Variants in FAT3 observed in about 807,000 individuals in gnomAD.
FAT3 encodes FAT atypical cadherin 3, also known as protocadherin Fat 3.
FAT3 carries 95 observed loss-of-function variants against 310.2 expected under a neutral mutation model. The observed-to-expected ratio is 0.31, with a 90% confidence interval of 0.26 to 0.36. The LOEUF (loss-of-function observed/expected upper bound fraction) is 0.36, where lower values mean the gene tolerates loss of function less well. FAT3 is among the 10% of genes least tolerant of loss of function. The probability of loss-of-function intolerance (pLI) is 1.00; values close to 1 mark genes in which losing one functional copy is unlikely to be tolerated. For synonymous variants in FAT3, 2,314 were observed against 2,192.9 expected, an observed-to-expected ratio of 1.06 and a Z score of -1.54; for missense variants, 5,408 against 5,715.6, an observed-to-expected ratio of 0.95 and a Z score of 1.74.
Position 92,697,338 on chromosome 11 carries a change from G to A in FAT3, c.3608-46G>A, listed in dbSNP as rs1487581092. The A allele has an allele frequency of 3.8e-6, 6 of 1,582,178 alleles. No homozygotes were observed. In the South Asian group the frequency reaches 6.7e-5, roughly 18 times the overall value. On this transcript the variant is annotated intron_variant, in intron 3 of 27. Coordinates refer to ENST00000525166, the MANE Select transcript of FAT3 (RefSeq NM_001367949.2). ...CTTGTTTCCCCACACTCAGTAAGCTGTTTGCCCCAGATATTTAAAAGTCAA... is the reference window on the plus strand; with the variant it reads ...CTTGTTTCCCCACACTCAGTAAGCTATTTGCCCCAGATATTTAAAAGTCAA...
chr11:92,480,994 C>T (rs567002636), intron 2 of FAT3, among the ~76,000 whole-genome samples: 1 of 152,246 alleles, frequency 6.6e-6, no homozygotes, highest in African/African-American at 2.4e-5. Context: ...GAAAAGGTAT[C>T]GTTGCAAACT....
intron 2 of FAT3, among the ~76,000 whole-genome samples, chr11:92,433,272 A>T (rs1003189799): frequency 6.6e-6 from 1 of 151,786 alleles, no homozygotes; most frequent in African/African-American, 2.4e-5. Context: ...TCCAGGCACC[A>T]CTGGGGTATG....
intron 1 of FAT3, among the ~76,000 whole-genome samples, chr11:92,236,293 T>A (rs1187172): frequency 0.56 from 84,545 of 151,952 alleles, 24,049 homozygotes; most frequent in East Asian, 0.8. Context: ...TACATAATAA[T>A]GCTTGTCTAT....
At chr11:92,649,421 T>C (rs2135752791) in intron 3 of FAT3, among the ~76,000 whole-genome samples, 1 of 152,302 alleles carries the variant, frequency 6.6e-6, no homozygotes, top group South Asian at 2.1e-4. Context: ...GGGAAAAAGC[T>C]ATTGCCAAGG....
intron 4 of FAT3, among the ~76,000 whole-genome samples, chr11:92,729,188 A>C (rs949127450): frequency 1.3e-5 from 2 of 152,154 alleles, no homozygotes; most frequent in Admixed American, 1.3e-4. Flanking sequence ...ATCCTGGTAG[A>C]GGACAAGGTG....
At chr11:92,428,069 T>C (rs1950675579) in intron 2 of FAT3, among the ~76,000 whole-genome samples, 1 of 152,156 alleles carries the variant, frequency 6.6e-6, no homozygotes, top group Non-Finnish European at 1.5e-5. Context: ...ATTTGTCTGT[T>C]CAGGGATTTG....
At chr11:92,332,021 C>T (rs915638972) in intron 1 of FAT3, among the ~76,000 whole-genome samples, 2 of 152,222 alleles carry the variant, frequency 1.3e-5, no homozygotes, top group African/African-American at 4.8e-5. Flanking sequence ...CAAGAGCCAT[C>T]ATTTTCCTGA....
chr11:92,369,634 G>A (rs1456440272), intron 2 of FAT3, among the ~76,000 whole-genome samples: 1 of 152,124 alleles, frequency 6.6e-6, no homozygotes, highest in Non-Finnish European at 1.5e-5. Flanking sequence ...CAGATCATGA[G>A]GTCAAGAGAT....
intron 6 of FAT3, among the ~76,000 whole-genome samples, chr11:92,767,202 T>C (rs545914535): frequency 8.2e-4 from 123 of 150,822 alleles, no homozygotes; most frequent in Non-Finnish European, 1.5e-3. Context: ...TGAGCCAAGA[T>C]TGCATCACTG....
chr11:92,267,883 T>G (rs1440312151), intron 1 of FAT3, among the ~76,000 whole-genome samples: 4 of 152,088 alleles, frequency 2.6e-5, no homozygotes, highest in Non-Finnish European at 5.9e-5. Flanking sequence ...GTATTAACAC[T>G]TATTTATTAG....
chr11:92,375,615 T>C (rs948159045), intron 2 of FAT3, among the ~76,000 whole-genome samples: 2 of 152,224 alleles, frequency 1.3e-5, no homozygotes. Flanking sequence ...TGTTCAAGGC[T>C]GTCTTGATAA....
chr11:92,507,609 G>A (rs961239154), intron 2 of FAT3, among the ~76,000 whole-genome samples: 1 of 151,316 alleles, frequency 6.6e-6, no homozygotes, highest in South Asian at 2.1e-4. Flanking sequence ...ATATATGTGT[G>A]TATATACGTA....
At chr11:92,848,954 G>T (rs1009086211) in intron 19 of FAT3, among the ~76,000 whole-genome samples, 1 of 152,228 alleles carries the variant, frequency 6.6e-6, no homozygotes, top group African/African-American at 2.4e-5. Context: ...TTAAGAACTG[G>T]TGTGCAATTC....
chr11:92,508,341 T>G (rs961243933), intron 2 of FAT3, among the ~76,000 whole-genome samples: 1 of 152,154 alleles, frequency 6.6e-6, no homozygotes, highest in African/African-American at 2.4e-5. Context: ...GTGAGCTATA[T>G]GCTTTCATTA....
chr11:92,859,110 C>T (rs1949056718), intron 20 of FAT3, 55 bp from the exon 21 acceptor site: 3 of 1,548,668 alleles, frequency 1.9e-6, no homozygotes, highest in Non-Finnish European at 2.6e-6. Context: ...TCATGTGTCT[C>T]TGTTCCTTTC....
chr11:92,641,168 A>G (rs1941949275), intron 3 of FAT3, among the ~76,000 whole-genome samples: 1 of 152,140 alleles, frequency 6.6e-6, no homozygotes, highest in Non-Finnish European at 1.5e-5. Context: ...GCACTCCAGC[A>G]TGGATGACAG....
chr11:92,809,640 T>C (rs1463072217), intron 12 of FAT3, among the ~76,000 whole-genome samples: 1 of 152,246 alleles, frequency 6.6e-6, no homozygotes, highest in African/African-American at 2.4e-5. Flanking sequence ...ACAGCTGTTT[T>C]GTTTTTGCAT....
chr11:92,671,306 A>C (rs1001062701), intron 3 of FAT3, among the ~76,000 whole-genome samples: 2 of 152,074 alleles, frequency 1.3e-5, no homozygotes, highest in Non-Finnish European at 2.9e-5. Flanking sequence ...AGTCTCTCAA[A>C]GTGCTGGAAT....
At chr11:92,742,284 A>T (rs1300046265) in intron 4 of FAT3, among the ~76,000 whole-genome samples, 1 of 152,254 alleles carries the variant, frequency 6.6e-6, no homozygotes, top group Non-Finnish European at 1.5e-5. Flanking sequence ...AGGGACAAAC[A>T]GTACAGCAGG....
Sources: allele counts gnomAD v4.1 joint callset (sites outside exome capture counted in the v4.1 genomes callset), GRCh38; gene constraint gnomAD v4.1.1; transcripts MANE v1.5; gene names NCBI Gene and HGNC (gene_info 2026-07-23, HGNC 2026-07-21).